The following TMEM45A variants were observed in gnomAD, a reference collection of about 807,000 sequenced individuals.
TMEM45A encodes DNA polymerase-transactivated protein 4.
A neutral mutation model predicts 32.0 loss-of-function variants in TMEM45A; 25 were observed. That is an observed-to-expected ratio of 0.78 (90% CI 0.57 to 1.09). The LOEUF is 1.09. Ranked by LOEUF, TMEM45A falls within the 50% of genes least tolerant of loss-of-function variation. The probability of loss-of-function intolerance (pLI) is 0.00; values close to 1 mark genes in which losing one functional copy is unlikely to be tolerated. For missense variants in TMEM45A, 302 were observed against 325.0 expected (o/e 0.93, Z 0.54); for synonymous variants, 122 against 114.8 (o/e 1.06, Z -0.40).
chr3:100,570,943 T>C (rs761375987), intron 5 of TMEM45A: 2 of 152,184 alleles, frequency 1.3e-5, no homozygotes, highest in Non-Finnish European at 2.9e-5. Context: ...CTCTAGCTCT[T>C]GCTCATCTCC....
intron 1 of TMEM45A, among the ~76,000 whole-genome samples, chr3:100,501,071 A>G (rs1708002066): frequency 6.6e-6 from 1 of 152,244 alleles, no homozygotes; most frequent in African/African-American, 2.4e-5. Flanking sequence ...GAGAAAATTG[A>G]TTTTTAAAAA....
Position 100,512,065 on chromosome 3 carries a change from T to C in TMEM45A, c.-4+19137T>C, listed in dbSNP as rs377123162. ...CCACTGTCAACATTAGACAGATCAA[T>C]GAGACAGAAAGTCAACAAGGATACC... On this transcript the variant is annotated intron_variant, in intron 1 of 5. Transcript: ENST00000323523. Among the ~76,000 whole-genome samples, 406 of 152,146 alleles carry C rather than the reference T, an allele frequency of 2.7e-3. 1 individual carries two copies. The highest frequency in any genetic ancestry group is 5.4e-3 in the Admixed American group (82 of 15,278).
chr3:100,523,698 TCTCCTC>T (rs745997119), intron 1 of TMEM45A, among the ~76,000 whole-genome samples: 1 of 122,564 alleles, frequency 8.2e-6, no homozygotes, highest in Non-Finnish European at 1.7e-5. Context: ...TCCTTCTCCT[TCTCCTC>T]CTCCTCCTTT....
chr3:100,516,236 A>G (rs141421362), intron 1 of TMEM45A, among the ~76,000 whole-genome samples: 1 of 152,334 alleles, frequency 6.6e-6, no homozygotes, highest in East Asian at 1.9e-4. Context: ...GGAAGTCTCA[A>G]TCAAGGGCAA....
intron 4 of TMEM45A, among the ~76,000 whole-genome samples, chr3:100,562,791 AT>A (rs763618322): frequency 6.6e-6 from 1 of 152,206 alleles, no homozygotes; most frequent in Non-Finnish European, 1.5e-5. Context: ...ATTGGGAAAA[AT>A]ATATGCTATA....
At chr3:100,566,920 C>T (rs1706453051) in intron 4 of TMEM45A, among the ~76,000 whole-genome samples, 1 of 151,888 alleles carries the variant, frequency 6.6e-6, no homozygotes, top group South Asian at 2.1e-4. Context: ...AATATTTTCT[C>T]TCATGCTGTG....
chr3:100,559,663 C>A (rs558940696), intron 4 of TMEM45A, among the ~76,000 whole-genome samples: 1 of 151,912 alleles, frequency 6.6e-6, no homozygotes, highest in Non-Finnish European at 1.5e-5. Flanking sequence ...ACTATATACA[C>A]GTATTCCTAT....
Position 100,549,369 on chromosome 3 carries a change from G to A in TMEM45A, c.-3-5840G>A, listed in dbSNP as rs1177674459. On this transcript the variant is annotated intron_variant, in intron 1 of 5. Transcript: ENST00000323523. ...ACAGAACACGATCTATTATGTTACTGCTGCTCTAACCATTCCCTTTGTCTT... is the reference window on the plus strand; with the variant it reads ...ACAGAACACGATCTATTATGTTACTACTGCTCTAACCATTCCCTTTGTCTT... Among the ~76,000 whole-genome samples the A allele has an allele frequency of 3.9e-5, 6 of 152,256 alleles. No homozygotes were observed. The East Asian group carries it at 1.2e-3, about 29-fold the overall frequency.
intron 1 of TMEM45A, among the ~76,000 whole-genome samples, chr3:100,532,027 A>G (rs1705657582): frequency 6.6e-6 from 1 of 152,168 alleles, no homozygotes; most frequent in South Asian, 2.1e-4. Context: ...TTTTTTGAAG[A>G]TCTTCACATT....
chr3:100,572,506 T>C (rs1435411300), intron 5 of TMEM45A: 2 of 151,180 alleles, frequency 1.3e-5, no homozygotes, highest in Non-Finnish European at 3.0e-5. Context: ...ACTAGCCCTT[T>C]GTCAGATGAG....
Position 100,518,690 on chromosome 3 carries a change from G to A in TMEM45A, c.-4+25762G>A, listed in dbSNP as rs574115012. Reference sequence around the variant, plus strand: ...GACTGTGAATATTCATTCCTGAGTCGTATTTGTGTTCAGACTCAGGTGAGG... The same window carrying A: ...GACTGTGAATATTCATTCCTGAGTCATATTTGTGTTCAGACTCAGGTGAGG... On this transcript the variant is annotated intron_variant, in intron 1 of 5. Coordinates refer to ENST00000323523, the MANE Select transcript of TMEM45A (RefSeq NM_018004.3). Among the ~76,000 whole-genome samples, 18 of 152,306 alleles carry A rather than the reference G, an allele frequency of 1.2e-4. No homozygotes were observed. In the South Asian group the frequency reaches 3.1e-3, roughly 26 times the overall value.
intron 1 of TMEM45A, among the ~76,000 whole-genome samples, chr3:100,532,607 G>C (rs1188672255): frequency 6.6e-6 from 1 of 152,030 alleles, no homozygotes; most frequent in African/African-American, 2.4e-5. Flanking sequence ...TACAGTATTT[G>C]ATACAGAGCC....
intron 5 of TMEM45A, among the ~76,000 whole-genome samples, chr3:100,569,279 A>C (rs1032122923): frequency 6.6e-6 from 1 of 152,036 alleles, no homozygotes; most frequent in Non-Finnish European, 1.5e-5. Flanking sequence ...GGTTTCCCTC[A>C]CCCTGCACTG....
At chr3:100,524,538 T>C (rs925721330) in intron 1 of TMEM45A, among the ~76,000 whole-genome samples, 1 of 152,198 alleles carries the variant, frequency 6.6e-6, no homozygotes, top group Non-Finnish European at 1.5e-5. Flanking sequence ...TTGTCCAATA[T>C]GGTAGCCACG....
chr3:100,576,896 T>G, intron 5 of TMEM45A, 29 bp from the exon 6 acceptor site: 1 of 1,528,674 alleles, frequency 6.5e-7, no homozygotes, highest in Non-Finnish European at 9.1e-7. Flanking sequence ...AAAAACCGTC[T>G]AACTTGAGAT....
At chr3:100,543,931 A>G (rs1705934919) in intron 1 of TMEM45A, among the ~76,000 whole-genome samples, 1 of 152,188 alleles carries the variant, frequency 6.6e-6, no homozygotes, top group Non-Finnish European at 1.5e-5. Context: ...CATCTGTAAA[A>G]TGGGGGCGAT....
At chr3:100,513,469 C>G (rs1472167899) in intron 1 of TMEM45A, among the ~76,000 whole-genome samples, 15 of 149,330 alleles carry the variant, frequency 1.0e-4, no homozygotes, top group African/African-American at 3.8e-4. Context: ...ATTGATGGGA[C>G]GTATCTCAAA....
chr3:100,539,490 T>TGTATATGTATATGTATAC (rs1553682653), intron 1 of TMEM45A, among the ~76,000 whole-genome samples: 1,846 of 71,508 alleles, frequency 0.026, 43 homozygotes, highest in East Asian at 0.058. Flanking sequence ...TATATGTATA[T>TGTATATGTATATGTATAC]GTATACGTAT....
intron 1 of TMEM45A, among the ~76,000 whole-genome samples, chr3:100,497,220 C>T (rs535506025): frequency 6.6e-6 from 1 of 152,198 alleles, no homozygotes; most frequent in South Asian, 2.1e-4. Flanking sequence ...GTTTGAATTC[C>T]AGATCTGATT....
Sources: gnomAD v4.1 joint callset for allele counts (sites outside exome capture counted in the v4.1 genomes callset) on GRCh38, gnomAD v4.1.1 for gene constraint, MANE v1.5 for transcripts, NCBI Gene and HGNC (gene_info 2026-07-23, HGNC 2026-07-21) for gene names.